Variants in DEUP1 observed in about 807,000 individuals in gnomAD.
The protein encoded by DEUP1 is deuterosome assembly protein 1.
A neutral mutation model predicts 87.4 loss-of-function variants in DEUP1; 82 were observed. That is an observed-to-expected ratio of 0.94 (90% confidence interval 0.78 to 1.13). DEUP1 has a LOEUF of 1.13. DEUP1 is among the 50% of genes most tolerant of loss of function. The probability of loss-of-function intolerance (pLI) is 0.00; values close to 1 mark genes in which losing one functional copy is unlikely to be tolerated. For synonymous variants in DEUP1, 214 were observed against 222.7 expected (o/e 0.96, Z 0.35); for missense variants, 663 against 681.5 (o/e 0.97, Z 0.30).
At chr11:93,362,351 T>A (rs1056523651) in intron 4 of DEUP1, among the ~76,000 whole-genome samples, 3 of 151,918 alleles carry the variant, frequency 2.0e-5, no homozygotes, top group Admixed American at 6.6e-5. Context: ...ATGAATAACT[T>A]ACTAATTAAT....
chr11:93,392,997 C>CCTCCTTCTA (rs1946814781), intron 9 of DEUP1, among the ~76,000 whole-genome samples: 1 of 147,206 alleles, frequency 6.8e-6, no homozygotes, highest in Non-Finnish European at 1.5e-5. Flanking sequence ...TCCTCCTCCT[C>CCTCCTTCTA]CTTCTTTCTC....
intron 13 of DEUP1, among the ~76,000 whole-genome samples, chr11:93,416,626 C>G (rs1380856918): frequency 2.6e-5 from 4 of 151,772 alleles, no homozygotes; most frequent in African/African-American, 9.7e-5. Context: ...ACCATTCCTT[C>G]TGAAACTATT....
intron 11 of DEUP1, 60 bp from the exon 12 acceptor site, chr11:93,408,171 G>A (rs1420862960): frequency 1.6e-6 from 2 of 1,212,860 alleles, no homozygotes; most frequent in African/African-American, 3.2e-5. Context: ...CAAACACACA[G>A]AAAATATGCA....
At chr11:93,372,213 C>A (rs890661171) in intron 7 of DEUP1, among the ~76,000 whole-genome samples, 2 of 152,292 alleles carry the variant, frequency 1.3e-5, no homozygotes, top group African/African-American at 2.4e-5. Context: ...CAGGCGTGAG[C>A]CACCGCGCCC....
At chr11:93,410,061 T>A (rs749370524) in intron 12 of DEUP1, among the ~76,000 whole-genome samples, 3 of 151,986 alleles carry the variant, frequency 2.0e-5, no homozygotes, top group Non-Finnish European at 4.4e-5. Flanking sequence ...TAAAAAAAAA[T>A]GTTCAACATA....
intron 8 of DEUP1, among the ~76,000 whole-genome samples, chr11:93,386,367 G>A (rs1459494206): frequency 6.6e-6 from 1 of 152,018 alleles, no homozygotes; most frequent in Non-Finnish European, 1.5e-5. Context: ...GGACTGCTGA[G>A]GATTGTTAAA....
intron 13 of DEUP1, among the ~76,000 whole-genome samples, chr11:93,416,425 A>G (rs1408290013): frequency 6.6e-6 from 1 of 152,222 alleles, no homozygotes; most frequent in Non-Finnish European, 1.5e-5. Flanking sequence ...TAAACTAGAA[A>G]ATCCAGAAAT....
At chr11:93,403,278 T>G (rs2605574) in intron 11 of DEUP1, among the ~76,000 whole-genome samples, 110,132 of 151,628 alleles carry the variant, frequency 0.73, 40,856 homozygotes, top group East Asian at 0.89. Flanking sequence ...AGTAATATTG[T>G]AAGTATCAGT....
intron 12 of DEUP1, among the ~76,000 whole-genome samples, chr11:93,412,977 A>G (rs1947484329): frequency 6.6e-6 from 1 of 152,196 alleles, no homozygotes; most frequent in South Asian, 2.1e-4. Context: ...TTTGTGTACT[A>G]ATTTACAGAT....
rs113423161 is a variant in DEUP1, at chr11:93,371,273, A to G, written c.782A>G (p.Gln261Arg). ...LLQELKMYQR[Q>R]CQAMEAGLSE... ...CAAGAACTGAAAATGTACCAAAGAC[A>G]GTGCCAGGTGAAGATTAATTTTTTT... Residue 261 changes from glutamine to arginine, a missense_variant, in exon 7 of 14, where the codon CAG becomes CGG. Physicochemically the swap from Gln to Arg is conservative, Grantham distance 43. Transcript: ENST00000298050. 6.8e-6 allele frequency: 11 copies of G among 1,610,482 alleles called. No individual in the cohort carries two copies. Among genetic ancestry groups the G allele is most frequent in the Non-Finnish European group, 4.2e-6 (5 of 1,178,584 alleles).
At chr11:93,368,092 T>C (rs1318217911) in intron 5 of DEUP1, among the ~76,000 whole-genome samples, 1 of 152,248 alleles carries the variant, frequency 6.6e-6, no homozygotes, top group East Asian at 1.9e-4. Flanking sequence ...TATGAACAGA[T>C]AATCATGCTG....
chr11:93,353,420 C>A (rs1414060766), intron 2 of DEUP1, among the ~76,000 whole-genome samples: 1 of 152,116 alleles, frequency 6.6e-6, no homozygotes, highest in Non-Finnish European at 1.5e-5. Flanking sequence ...TTCAGGTGCA[C>A]AGTGCAAGTT....
At chr11:93,407,815 T>C (rs528061210) in intron 11 of DEUP1, among the ~76,000 whole-genome samples, 1 of 151,906 alleles carries the variant, frequency 6.6e-6, no homozygotes, top group South Asian at 2.1e-4. Context: ...GAAATCTAGC[T>C]AATTTGTTCT....
rs1491461091 is a variant in DEUP1 at position 93,373,624 on chromosome 11, CGT to C, written c.789+2345_789+2346del. 5.5e-4 allele frequency among the ~76,000 whole-genome samples: 43 copies of C among 78,884 alleles called. 1 individual carries two copies. The East Asian group carries it at 9.2e-3, about 17-fold the overall frequency. The allele number at this position is 78,884 out of a possible 152,430, so 51.8% of individuals were successfully genotyped here. A position where few individuals can be genotyped will look rare whatever the true frequency, so the allele number is the denominator to read the frequency against. On this transcript the variant is annotated intron_variant, in intron 7 of 13. Transcript: ENST00000298050. Reference sequence around the variant, plus strand: ...ATATATTTATATATGTATATATATACGTATATATATATATATATATATATATA... The same window carrying C: ...ATATATTTATATATGTATATATATACATATATATATATATATATATATATA...
At chr11:93,404,242 G>GT (rs1947202445) in intron 11 of DEUP1, among the ~76,000 whole-genome samples, 1 of 152,020 alleles carries the variant, frequency 6.6e-6, no homozygotes. Context: ...AAAGTGAAGG[G>GT]TTTTCTCTTA....
chr11:93,331,421 T>C (rs909057494), intron 1 of DEUP1, among the ~76,000 whole-genome samples: 4 of 151,554 alleles, frequency 2.6e-5, no homozygotes, highest in Non-Finnish European at 4.4e-5. Context: ...TGTCAAGAGG[T>C]GAGCCAGTGC....
At chr11:93,391,332 T>C (rs557241517) in intron 9 of DEUP1, among the ~76,000 whole-genome samples, 18 of 152,324 alleles carry the variant, frequency 1.2e-4, no homozygotes, top group African/African-American at 4.3e-4. Context: ...TATAGTATGT[T>C]GTGTTAACAT....
intron 8 of DEUP1, among the ~76,000 whole-genome samples, chr11:93,388,228 C>T (rs986361071): frequency 6.6e-6 from 1 of 152,068 alleles, no homozygotes; most frequent in Non-Finnish European, 1.5e-5. Flanking sequence ...GTGAAATCTT[C>T]TCAAAAGTTA....
chr11:93,417,941 T>C (rs930654806), intron 13 of DEUP1, among the ~76,000 whole-genome samples: 6 of 151,012 alleles, frequency 4.0e-5, no homozygotes, highest in African/African-American at 1.5e-4. Flanking sequence ...AAGGATTCCC[T>C]ATTTAATAAA....
Sources: allele counts gnomAD v4.1 joint callset (sites outside exome capture counted in the v4.1 genomes callset), GRCh38; gene constraint gnomAD v4.1.1; transcripts MANE v1.5; gene names NCBI Gene and HGNC (gene_info 2026-07-23, HGNC 2026-07-21).